Variants in CCDC169 observed in about 807,000 individuals in gnomAD.
CCDC169 encodes the protein coiled-coil domain-containing protein 169.
A neutral mutation model predicts 36.0 loss-of-function variants in CCDC169; 30 were observed. That is an observed-to-expected ratio of 0.83 (90% CI 0.62 to 1.13). CCDC169 has a LOEUF of 1.13. CCDC169 is among the 50% of genes most tolerant of loss of function. The pLI is 0.00. For synonymous variants in CCDC169, 85 were observed against 81.5 expected (o/e 1.04, Z -0.23); for missense variants, 245 against 245.9 (o/e 1.00, Z 0.03).
At chr13:36,243,037 C>T (rs991068878) in intron 7 of CCDC169, among the ~76,000 whole-genome samples, 1 of 152,176 alleles carries the variant, frequency 6.6e-6, no homozygotes, top group Non-Finnish European at 1.5e-5. Context: ...TCAGATTCCC[C>T]AGGGATAAGA....
In CCDC169 at chr13:36,231,282, T is replaced by C. The variant is rs774348002; in HGVS notation, c.556A>G (p.Asn186Asp). Residue 186 changes from asparagine (N) to aspartate (D), a missense_variant, in exon 8 of 8, where the codon AAT (asparagine) becomes GAT (aspartate). By Grantham distance (23) the Asn-to-Asp change is conservative (BLOSUM62 1). Transcript: ENST00000239859. Reference protein sequence around the residue: ...QENLVKTGRYNPAKQKTVSAK... With the variant: ...QENLVKTGRYDPAKQKTVSAK... The stretch of plus-strand genomic sequence containing the variant: ...CTCACTGTCTTCTGCTTAGCTGGAT[T>C]ATATCTTCCACTGAAATAAATAAGT... The C allele has an allele frequency of 9.7e-6, 15 of 1,551,176 alleles. No individual in the cohort carries two copies. In the South Asian group the frequency reaches 1.7e-4, roughly 17 times the overall value.
rs2138611061 is a variant in CCDC169, at chr13:36,283,218, G to A, written c.315+251C>T. The A allele has an allele frequency of 1.7e-5, 8 of 483,880 alleles. 1 individual carries two copies. In the South Asian group the frequency reaches 2.5e-4, roughly 15 times the overall value. 30.0% of individuals were successfully genotyped at this position (483,880 alleles called of 1,614,324 possible). ...TATTTGTCTATATCTTTCTCTGAAG[G>A]TTGGCGGTGATTCAAAAAGCAATAT... On this transcript the variant is annotated intron_variant, in intron 4 of 7. Transcript: ENST00000239859.
intron 2 of CCDC169, among the ~76,000 whole-genome samples, chr13:36,294,200 T>C (rs998095444): frequency 6.6e-6 from 1 of 152,216 alleles, no homozygotes; most frequent in Non-Finnish European, 1.5e-5. Context: ...TTTCTCTTTA[T>C]ACCCACATAC....
chr13:36,228,416 T>C (rs996668395), downstream of CCDC169, among the ~76,000 whole-genome samples: 8 of 152,202 alleles, frequency 5.3e-5, no homozygotes, highest in African/African-American at 1.9e-4. Flanking sequence ...AATTTTTTAA[T>C]ATATATTGTT....
At chr13:36,236,300 AG>A (rs936950518) in intron 7 of CCDC169, among the ~76,000 whole-genome samples, 2 of 152,102 alleles carry the variant, frequency 1.3e-5, no homozygotes, top group African/African-American at 4.8e-5. Flanking sequence ...ATAAGGATAG[AG>A]TTATAGATCA....
At chr13:36,235,773 T>C (rs991598042) in intron 7 of CCDC169, among the ~76,000 whole-genome samples, 29 of 151,918 alleles carry the variant, frequency 1.9e-4, no homozygotes, top group African/African-American at 6.8e-4. Context: ...GACACATACA[T>C]GCATTTATGA....
rs1874936002 is a variant in CCDC169, at chr13:36,263,969, T to C, written c.316-9826A>G. Among the ~76,000 whole-genome samples the C allele has an allele frequency of 2.0e-5, 3 of 152,186 alleles. 1 individual carries two copies. The highest frequency in any genetic ancestry group is 4.4e-5 in the Non-Finnish European group (3 of 68,012). On this transcript the variant is annotated intron_variant, in intron 4 of 7. Transcript: ENST00000239859. ...CAAGAATTCCAAGTTTAGGCTACCA[T>C]AGTAACATAGATCAGTTACATAATT...
intron 4 of CCDC169, among the ~76,000 whole-genome samples, chr13:36,256,041 TCTC>T (rs1566070938): frequency 6.6e-6 from 1 of 152,156 alleles, no homozygotes; most frequent in Non-Finnish European, 1.5e-5. Flanking sequence ...AGCCTTTCCT[TCTC>T]CTTCTTTGCC....
chr13:36,225,984 T>C (rs1264685931), downstream of CCDC169: 3 of 152,148 alleles, frequency 2.0e-5, no homozygotes, highest in Non-Finnish European at 4.4e-5. Flanking sequence ...TTAGACACTG[T>C]TGGTGGGAAT....
intron 2 of CCDC169, among the ~76,000 whole-genome samples, chr13:36,286,932 C>T (rs1239229424): frequency 6.6e-6 from 1 of 152,170 alleles, no homozygotes; most frequent in Non-Finnish European, 1.5e-5. Flanking sequence ...CTCCTCTCCA[C>T]TCCTTTCTTT....
intron 2 of CCDC169, among the ~76,000 whole-genome samples, chr13:36,288,256 C>T (rs571502887): frequency 6.9e-4 from 105 of 152,136 alleles, no homozygotes; most frequent in Admixed American, 1.0e-3. Context: ...CCTCATTATC[C>T]GCCCGCCGCA....
intron 4 of CCDC169, among the ~76,000 whole-genome samples, chr13:36,268,171 T>C (rs1394235793): frequency 6.6e-6 from 1 of 152,180 alleles, no homozygotes; most frequent in African/African-American, 2.4e-5. Context: ...AGAGTATACA[T>C]TCTTCTCATG....
At chr13:36,255,156 C>A (rs1297386638) in intron 4 of CCDC169, among the ~76,000 whole-genome samples, 1 of 152,128 alleles carries the variant, frequency 6.6e-6, no homozygotes, top group East Asian at 1.9e-4. Context: ...AATTCTTGGG[C>A]CAGTTCTAGG....
Position 36,273,193 on chromosome 13 carries a change from T to C in CCDC169, c.315+10276A>G, listed in dbSNP as rs17053723. On this transcript the variant is annotated intron_variant, in intron 4 of 7. Transcript: ENST00000239859. ...CATGTCTTGTCTAATAAATATCATA[T>C]CCAAATGTAAAAGTAGGCCCCTGGG... Among the ~76,000 whole-genome samples the C allele has an allele frequency of 7.5e-3, 1,149 of 152,290 alleles. 15 individuals carry two copies. The highest frequency in any genetic ancestry group is 0.027 in the African/African-American group (1,117 of 41,566).
intron 4 of CCDC169, among the ~76,000 whole-genome samples, chr13:36,263,912 A>G (rs1874927076): frequency 6.6e-6 from 1 of 152,220 alleles, no homozygotes; most frequent in Non-Finnish European, 1.5e-5. Flanking sequence ...TGAGGGAGGT[A>G]GTTCAAAATT....
At chr13:36,250,913 T>C (rs540580584) in intron 6 of CCDC169, among the ~76,000 whole-genome samples, 1 of 152,244 alleles carries the variant, frequency 6.6e-6, no homozygotes, top group African/African-American at 2.4e-5. Context: ...AGATTCCTTA[T>C]CTGTGAGCTA....
intron 4 of CCDC169, among the ~76,000 whole-genome samples, chr13:36,277,283 G>A (rs1876944330): frequency 6.6e-6 from 1 of 152,038 alleles, no homozygotes; most frequent in Admixed American, 6.6e-5. Flanking sequence ...TGGACACAGA[G>A]AGGGGAACAA....
intron 4 of CCDC169, among the ~76,000 whole-genome samples, chr13:36,256,441 A>G (rs1007672827): frequency 6.6e-6 from 1 of 152,212 alleles, no homozygotes; most frequent in Non-Finnish European, 1.5e-5. Context: ...AATGCCAGAC[A>G]CTTATAAAGC....
chr13:36,248,693 A>C lies in CCDC169; in HGVS notation c.469-11T>G, dbSNP rs1444720877. 6.5e-7 allele frequency: 1 copy of C among 1,548,810 alleles called. No individual in the cohort carries two copies. Among genetic ancestry groups the C allele is most frequent in the South Asian group, 1.2e-5 (1 of 83,850 alleles). ...ATGTAAACCAGAACCCTGAAATACA[A>C]AAATTTGAGTGTTTATCCCCTTGGT... is the stretch of plus-strand genomic sequence containing the variant. On this transcript the variant is annotated splice_polypyrimidine_tract_variant and intron_variant, in intron 6 of 7. Transcript: ENST00000239859.
Sources: allele counts gnomAD v4.1 joint callset (sites outside exome capture counted in the v4.1 genomes callset), GRCh38; gene constraint gnomAD v4.1.1; transcripts MANE v1.5; gene names NCBI Gene and HGNC (gene_info 2026-07-23, HGNC 2026-07-21).